The following SHROOM2 variants were observed in gnomAD, a reference collection of about 807,000 sequenced individuals.
SHROOM2 encodes the protein protein Shroom2.
A neutral mutation model predicts 75.9 loss-of-function variants in SHROOM2; 33 were observed. The observed-to-expected ratio is 0.43, with a 90% CI of 0.33 to 0.58. The LOEUF is 0.58. Among genes scored for constraint, SHROOM2 ranks in the 20% least tolerant of loss-of-function variants. SHROOM2 has a pLI of 0.04. For synonymous variants in SHROOM2, 655 were observed against 663.6 expected, an observed-to-expected ratio of 0.99 and a Z score of 0.20; for missense variants, 1,434 against 1,461.2, an observed-to-expected ratio of 0.98 and a Z score of 0.30.
chrX:9,919,566 G>A (rs982394857), intron 5 of SHROOM2, among the ~76,000 whole-genome samples: 3 of 109,346 alleles, frequency 2.7e-5, no homozygotes, highest in Non-Finnish European at 5.7e-5. Context: ...TCCTGACCTC[G>A]TGATCTGCCC....
chrX:9,946,755 C>T lies in SHROOM2; in HGVS notation c.4669C>T (p.Arg1557Cys), dbSNP rs2084823088. The T allele has an allele frequency of 4.2e-6, 5 of 1,203,248 alleles. No individual in the cohort carries two copies. Among genetic ancestry groups the T allele is most frequent in the African/African-American group, 1.7e-5 (1 of 57,370 alleles). ...CAAGGAGAACCTGGACCGCCGCGAG[C>T]GCATCGTCTTTGACATTTTGGCCAA... ...ELKENLDRRE[R>C]IVFDILANYL... is the part of the protein sequence containing the mutation. Residue 1557 changes from arginine to cysteine, a missense_variant, in exon 10 of 10, where the codon CGC (arginine) becomes TGC (cysteine). Arg to Cys is a radical substitution (Grantham distance 180). Around this residue, in one of 3 missense-constraint regions of SHROOM2, gnomAD observed 80 missense variants for 88.4 expected, o/e 0.90. Coordinates refer to ENST00000380913, the MANE Select transcript of SHROOM2 (RefSeq NM_001649.4).
Position 9,833,985 on chromosome X carries a change from C to T in SHROOM2, c.166-39667C>T, listed in dbSNP as rs961877455. ...CTCCCTGACAAGCCTCGCTGAGGTT[C>T]CCATCTACACTAGTGGTTCACAATT... is the stretch of plus-strand genomic sequence containing the variant. On this transcript the variant is annotated intron_variant, in intron 1 of 9. Coordinates refer to ENST00000380913, the MANE Select transcript of SHROOM2 (RefSeq NM_001649.4). 2.7e-5 allele frequency among the ~76,000 whole-genome samples: 3 copies of T among 111,002 alleles called. No individual in the cohort carries two copies. In the Admixed American group the frequency reaches 2.9e-4, roughly 11 times the overall value.
chrX:9,855,243 T>C (rs989017962), intron 1 of SHROOM2, among the ~76,000 whole-genome samples: 1 of 90,520 alleles, frequency 1.1e-5, no homozygotes, highest in Non-Finnish European at 2.1e-5. Flanking sequence ...CGTGTATACC[T>C]ATGTAACAAA....
At chrX:9,813,970 C>T (rs181053315) in intron 1 of SHROOM2, among the ~76,000 whole-genome samples, 1 of 112,224 alleles carries the variant, frequency 8.9e-6, no homozygotes, top group East Asian at 2.8e-4. Flanking sequence ...CTGCAGTTCC[C>T]ACCATTAGAT....
intron 6 of SHROOM2, 143 bp from the exon 7 acceptor site, chrX:9,936,991 G>T: frequency 1.8e-6 from 1 of 560,172 alleles, no homozygotes; most frequent in South Asian, 3.2e-5. Flanking sequence ...CAGGATGTGG[G>T]ATCATGGAGG....
chrX:9,866,383 T>A (rs1438487089), intron 1 of SHROOM2, among the ~76,000 whole-genome samples: 1 of 109,306 alleles, frequency 9.1e-6, no homozygotes, highest in Non-Finnish European at 1.9e-5. Context: ...AATTGATCAA[T>A]TGCAGGTGTG....
At chrX:9,871,636 T>A (rs1325821767) in intron 1 of SHROOM2, among the ~76,000 whole-genome samples, 2 of 112,258 alleles carry the variant, frequency 1.8e-5, no homozygotes, top group African/African-American at 6.5e-5. Flanking sequence ...GAGTGCTTTT[T>A]AAAATTTGTT....
At chrX:9,850,657 T>C (rs1413306909) in intron 1 of SHROOM2, among the ~76,000 whole-genome samples, 7 of 110,098 alleles carry the variant, frequency 6.4e-5, no homozygotes, top group Middle Eastern at 4.7e-3. Context: ...CTGGGCAACA[T>C]AGTGAGATCT....
chrX:9,881,126 A>G (rs1320697194), intron 2 of SHROOM2, among the ~76,000 whole-genome samples: 1 of 111,424 alleles, frequency 9.0e-6, no homozygotes, highest in African/African-American at 3.3e-5. Context: ...TCCGACGTCC[A>G]GACCATGTTT....
intron 2 of SHROOM2, among the ~76,000 whole-genome samples, chrX:9,889,972 C>T (rs2084281321): frequency 8.9e-6 from 1 of 112,762 alleles, no homozygotes; most frequent in Non-Finnish European, 1.9e-5. Context: ...CATTTGCTTA[C>T]TTATTTATTT....
At chrX:9,889,772 A>C (rs2084280332) in intron 2 of SHROOM2, among the ~76,000 whole-genome samples, 1 of 111,746 alleles carries the variant, frequency 8.9e-6, no homozygotes. Context: ...TAAGAGGCTC[A>C]GGGGAAGATG....
chrX:9,805,045 C>T (rs2083743767), intron 1 of SHROOM2, among the ~76,000 whole-genome samples: 1 of 107,090 alleles, frequency 9.3e-6, no homozygotes, highest in Non-Finnish European at 1.9e-5. Flanking sequence ...GACGAGCTTG[C>T]TTGGCCAACA....
chrX:9,815,326 A>G (rs2083812820), intron 1 of SHROOM2, among the ~76,000 whole-genome samples: 2 of 110,085 alleles, frequency 1.8e-5, no homozygotes, highest in African/African-American at 6.6e-5. Context: ...CTCAACCCAC[A>G]AAAGAACTTC....
At chrX:9,856,341 T>G (rs985649674) in intron 1 of SHROOM2, among the ~76,000 whole-genome samples, 1 of 111,645 alleles carries the variant, frequency 9.0e-6, no homozygotes, top group African/African-American at 3.3e-5. Flanking sequence ...ATGCAATTTG[T>G]GTCTTAAAGA....
At chrX:9,916,998 G>A (rs1434610257) in intron 5 of SHROOM2, among the ~76,000 whole-genome samples, 1 of 111,684 alleles carries the variant, frequency 9.0e-6, no homozygotes, top group African/African-American at 3.3e-5. Flanking sequence ...TGCCATTACT[G>A]GTCTCTTGTT....
chrX:9,947,060 G>A lies in SHROOM2; in HGVS notation c.*123G>A. The A allele has an allele frequency of 1.4e-6, 1 of 708,984 alleles. No individual in the cohort carries two copies. Among genetic ancestry groups the A allele is most frequent in the Non-Finnish European group, 2.0e-6 (1 of 489,917 alleles). 58.4% of individuals were successfully genotyped at this position (708,984 alleles called of 1,213,427 possible). On this transcript the variant is annotated 3_prime_UTR_variant, in exon 10 of 10. Transcript: ENST00000380913. ...AAAGAGACTTCTCCCATAGCAAAGA[G>A]GCTGTTATAAAAGCAATAACTTTTG...
intron 1 of SHROOM2, among the ~76,000 whole-genome samples, chrX:9,852,988 GA>G (rs1360222571): frequency 8.9e-6 from 1 of 111,736 alleles, no homozygotes; most frequent in Non-Finnish European, 1.9e-5. Context: ...AACCAATCTA[GA>G]AAAGCCGGCA....
At chrX:9,806,464 G>GTA (rs985869405) in intron 1 of SHROOM2, among the ~76,000 whole-genome samples, 14 of 107,070 alleles carry the variant, frequency 1.3e-4, no homozygotes, top group South Asian at 3.9e-4. Flanking sequence ...TAGATTGTGT[G>GTA]TATATATATA....
Position 9,949,015 on chromosome X carries a change from C to T in SHROOM2, c.*2078C>T, listed in dbSNP as rs146066675. ...GAATAATCCAATTGGTGTCTGTACTCAGCCTTTTGATGTCTTTTTAGGACT... is the reference window on the plus strand; with the variant it reads ...GAATAATCCAATTGGTGTCTGTACTTAGCCTTTTGATGTCTTTTTAGGACT... On this transcript the variant is annotated 3_prime_UTR_variant, in exon 10 of 10. Transcript: ENST00000380913. 437 of 169,036 alleles carry T rather than the reference C, an allele frequency of 2.6e-3. No individual in the cohort carries two copies. The highest frequency in any genetic ancestry group is 0.012 in the African/African-American group (399 of 33,917). The allele number at this position is 169,036 out of a possible 1,213,427, so 13.9% of individuals were successfully genotyped here. A position where few individuals can be genotyped will look rare whatever the true frequency, so the allele number is the denominator to read the frequency against.
Sources: gnomAD v4.1 joint callset for allele counts (sites outside exome capture counted in the v4.1 genomes callset) on GRCh38, gnomAD v4.1.1 for gene constraint, gnomAD v4.1.1 regional missense constraint, MANE v1.5 for transcripts, NCBI Gene and HGNC (gene_info 2026-07-23, HGNC 2026-07-21) for gene names.